NFATC1: variants seen among roughly 807,000 people sequenced by gnomAD.
NFATC1 encodes nuclear factor of activated T cells 1, also known as nuclear factor of activated T-cells, cytoplasmic 1.
NFATC1 carries 22 observed loss-of-function variants against 76.0 expected under a neutral mutation model. That is an observed-to-expected ratio of 0.29 (90% CI 0.21 to 0.41). The LOEUF is 0.41. NFATC1 is among the 10% of genes least tolerant of loss of function. The pLI, the probability that NFATC1 is intolerant of heterozygous loss-of-function variation, is 1.00. For missense variants in NFATC1, 1,357 were observed against 1,337.7 expected (o/e 1.01, Z -0.23); for synonymous variants, 704 against 613.1 (o/e 1.15, Z -2.19).
intron 9 of NFATC1, among the ~76,000 whole-genome samples, chr18:79,492,191 T>A (rs1425841183): frequency 6.6e-6 from 1 of 152,166 alleles, no homozygotes; most frequent in Non-Finnish European, 1.5e-5. Context: ...CAGTTCACGC[T>A]GGAGCCTCCT....
intron 9 of NFATC1, among the ~76,000 whole-genome samples, chr18:79,499,211 G>C (rs142031194): frequency 6.6e-6 from 1 of 152,218 alleles, no homozygotes; most frequent in Admixed American, 6.5e-5. Flanking sequence ...AAAGGAAGGG[G>C]TGGGGAAGGA....
chr18:79,400,535 G>T (rs1019418440), intron 1 of NFATC1: 4 of 1,301,640 alleles, frequency 3.1e-6, no homozygotes, highest in Non-Finnish European at 2.9e-6. Context: ...GTTTGGGGGC[G>T]CCCAGGCCCC....
At chr18:79,456,052 G>T (rs749973926) in intron 6 of NFATC1, among the ~76,000 whole-genome samples, 19 of 152,226 alleles carry the variant, frequency 1.2e-4, no homozygotes, top group Non-Finnish European at 2.1e-4. Flanking sequence ...ACCGTGACCG[G>T]TGTGGTTCCC....
At chr18:79,458,480 C>T (rs572859316) in intron 6 of NFATC1, among the ~76,000 whole-genome samples, 10 of 152,176 alleles carry the variant, frequency 6.6e-5, no homozygotes, top group African/African-American at 2.2e-4. Context: ...GGCCCGGCTC[C>T]GGGCGGCGGG....
At chr18:79,458,499 G>A (rs1441834951) in intron 6 of NFATC1, among the ~76,000 whole-genome samples, 3 of 152,206 alleles carry the variant, frequency 2.0e-5, no homozygotes, top group East Asian at 3.9e-4. Context: ...GGTCCTGGCC[G>A]GTCTGGGAGG....
intron 4 of NFATC1, 38 bp downstream of exon 4, chr18:79,449,022 G>A (rs374936059): frequency 1.8e-5 from 29 of 1,599,346 alleles, no homozygotes; most frequent in Middle Eastern, 1.9e-4. Flanking sequence ...GGCAGGGGGC[G>A]GTAGGAGGGG....
In NFATC1 at chr18:79,465,249, A is replaced by G. The variant is rs2088416482; in HGVS notation, c.1960-2201A>G. Among the ~76,000 whole-genome samples, 1 of 152,070 alleles carries G rather than the reference A, an allele frequency of 6.6e-6. No homozygotes were observed. Among genetic ancestry groups the G allele is most frequent in the Non-Finnish European group, 1.5e-5 (1 of 68,028 alleles). On this transcript the variant is annotated intron_variant, in intron 7 of 9. Transcript: ENST00000427363. The surrounding 1 kb of genome is among the most constrained non-coding windows in gnomAD (Gnocchi z 4.2). The stretch of plus-strand genomic sequence containing the variant: ...GTGGCAGTGCTCCCACGGAGATAGT[A>G]TTTTTGTCATATAATTTGTCTATTT...
Position 79,461,333 on chromosome 18 carries a change from G to A in NFATC1, c.1926G>A (p.Met642Ile), listed in dbSNP as rs2088069298. Residue 642 changes from methionine to isoleucine, a missense_variant, in exon 7 of 10, where the codon ATG becomes ATA. Met to Ile is a conservative substitution (Grantham distance 10). Around this residue, in one of 3 missense-constraint regions of NFATC1, gnomAD observed 242 missense variants for 329.2 expected, o/e 0.74. Transcript: ENST00000427363. ...KAPDGHHVWE[M>I]EAKTDRDLCK... Reference sequence around the variant, plus strand: ...CAGATGGCCACCATGTCTGGGAGATGGAAGCGAAAACTGACCGGGACCTGT... The same window carrying A: ...CAGATGGCCACCATGTCTGGGAGATAGAAGCGAAAACTGACCGGGACCTGT... 23 of 1,507,262 alleles carry A rather than the reference G, an allele frequency of 1.5e-5. No homozygotes were observed. Among genetic ancestry groups the A allele is most frequent in the Non-Finnish European group, 1.8e-5 (21 of 1,139,348 alleles). 93.4% of individuals were successfully genotyped at this position (1,507,262 alleles called of 1,614,324 possible).
Position 79,469,396 on chromosome 18 carries a change from G to C in NFATC1, c.2092+1814G>C, listed in dbSNP as rs2144943749. 3 of 985,450 alleles carry C rather than the reference G, an allele frequency of 3.0e-6. No individual in the cohort carries two copies. The South Asian group carries it at 1.4e-4, about 46-fold the overall frequency. The allele number at this position is 985,450 out of a possible 1,614,324, so 61.0% of individuals were successfully genotyped here. A position where few individuals can be genotyped will look rare whatever the true frequency, so the allele number is the denominator to read the frequency against. ...GATCACGTATCTCAGAGGCAGAAGG[G>C]GCGTGCGGGGAGCGTGCCTGCCCTT... On this transcript the variant is annotated intron_variant, in intron 8 of 9. Coordinates refer to ENST00000427363, the MANE Select transcript of NFATC1 (RefSeq NM_001278669.2).
chr18:79,454,955 G>C (rs1354502039), intron 6 of NFATC1, among the ~76,000 whole-genome samples: 1 of 152,002 alleles, frequency 6.6e-6, no homozygotes. Flanking sequence ...GCACCTCTCT[G>C]TACACGCGTG....
intron 9 of NFATC1, among the ~76,000 whole-genome samples, chr18:79,520,114 G>A (rs1202354455): frequency 6.6e-6 from 1 of 152,152 alleles, no homozygotes; most frequent in African/African-American, 2.4e-5. Context: ...ATCAAAACTG[G>A]TAGAATGAGG....
At chr18:79,398,721 C>T (rs1383407111) in intron 1 of NFATC1, among the ~76,000 whole-genome samples, 1 of 152,234 alleles carries the variant, frequency 6.6e-6, no homozygotes, top group African/African-American at 2.4e-5. Flanking sequence ...ATGATAAGGG[C>T]TGTCATTTGT....
chr18:79,474,028 G>A (rs1472107799), intron 8 of NFATC1, among the ~76,000 whole-genome samples: 1 of 142,142 alleles, frequency 7.0e-6, no homozygotes, highest in Non-Finnish European at 1.5e-5. Flanking sequence ...TAAACCTGAG[G>A]GAAGCGTGTT....
intron 3 of NFATC1, 113 bp downstream of exon 3, chr18:79,433,851 C>A: frequency 7.3e-7 from 1 of 1,369,076 alleles, no homozygotes; most frequent in Non-Finnish European, 9.8e-7. Flanking sequence ...GCTGAATGCT[C>A]TGTCGTGGTT....
rs373949853 is a variant in NFATC1, at chr18:79,505,475, G to A, written c.2782+18538G>A. On this transcript the variant is annotated intron_variant, in intron 9 of 9. Transcript: ENST00000427363. ...CTGCTGCGTGGGAGGAGGTGATGCT[G>A]GAGGCCCTTGGGTGATGGAAGAGGC... Among the ~76,000 whole-genome samples the A allele has an allele frequency of 6.1e-4, 12 of 19,830 alleles. 1 individual carries two copies. Among genetic ancestry groups the A allele is most frequent in the East Asian group, 5.3e-3 (7 of 1,314 alleles). 13.0% of individuals were successfully genotyped at this position (19,830 alleles called of 152,430 possible).
At chr18:79,447,753 C>T (rs1254640722) in intron 3 of NFATC1, among the ~76,000 whole-genome samples, 4 of 152,236 alleles carry the variant, frequency 2.6e-5, no homozygotes, top group Non-Finnish European at 4.4e-5. Flanking sequence ...ACCAAACTTG[C>T]CTCTTGCATA....
At chr18:79,522,694 G>T (rs2090645414) in intron 9 of NFATC1, among the ~76,000 whole-genome samples, 1 of 152,162 alleles carries the variant, frequency 6.6e-6, no homozygotes, top group Admixed American at 6.5e-5. Flanking sequence ...GAAACAGGGA[G>T]GACCAGAGAG....
intron 9 of NFATC1, among the ~76,000 whole-genome samples, chr18:79,502,892 AT>A (rs898084541): frequency 2.0e-5 from 3 of 152,238 alleles, no homozygotes; most frequent in Non-Finnish European, 2.9e-5. Flanking sequence ...ATGGCATTAC[AT>A]TCCGGCCACT....
At chr18:79,459,626 T>C (rs1222317065) in intron 6 of NFATC1, among the ~76,000 whole-genome samples, 2 of 152,206 alleles carry the variant, frequency 1.3e-5, no homozygotes, top group Non-Finnish European at 2.9e-5. Context: ...GTTGTGACTC[T>C]GAGCTTCCTG....
Sources: gnomAD v4.1 joint callset for allele counts (sites outside exome capture counted in the v4.1 genomes callset) on GRCh38, gnomAD v4.1.1 for gene constraint, gnomAD v4.1.1 regional missense constraint, Gnocchi (gnomAD v3.1) non-coding constraint, MANE v1.5 for transcripts, NCBI Gene and HGNC (gene_info 2026-07-23, HGNC 2026-07-21) for gene names.